Variants in SLC4A10 observed in about 807,000 individuals in gnomAD.
SLC4A10 encodes solute carrier family 4 member 10.
In SLC4A10, 42 loss-of-function variants were observed where a neutral mutation model predicts 137.7. The ratio of observed to expected loss-of-function variants is 0.30; its 90% CI spans 0.24 to 0.39. The LOEUF is 0.39. SLC4A10 is among the 10% of genes least tolerant of loss of function. The probability of loss-of-function intolerance (pLI) is 1.00; values close to 1 mark genes in which losing one functional copy is unlikely to be tolerated. For synonymous variants in SLC4A10, 474 were observed against 464.1 expected, an observed-to-expected ratio of 1.02 and a Z score of -0.27; for missense variants, 925 against 1,355.0, an observed-to-expected ratio of 0.68 and a Z score of 4.98.
intron 2 of SLC4A10, among the ~76,000 whole-genome samples, chr2:161,782,266 T>C (rs2053118140): frequency 6.6e-6 from 1 of 152,040 alleles, no homozygotes; most frequent in Non-Finnish European, 1.5e-5. Context: ...TCACAAGACC[T>C]GGCAAACCCT....
At chr2:161,946,048 C>T (rs966798982) in intron 16 of SLC4A10, among the ~76,000 whole-genome samples, 2 of 151,938 alleles carry the variant, frequency 1.3e-5, no homozygotes, top group South Asian at 2.1e-4. Context: ...ATGAAAAACA[C>T]AAGGATTCAT....
At chr2:161,926,398 T>TTG (rs1689117054) in intron 15 of SLC4A10, among the ~76,000 whole-genome samples, 2 of 116,502 alleles carry the variant, frequency 1.7e-5, no homozygotes, top group African/African-American at 5.7e-5. Flanking sequence ...TTTTTTTTTT[T>TTG]TTTTTTTTTT....
Position 161,806,560 on chromosome 2 carries a change from A to G in SLC4A10, c.277+1965A>G, listed in dbSNP as rs192403256. ...CCAGATACCCTAAATCATCTCTCTC[A>G]AGTTCAAAGTTTCACAGATCTCTAG... On this transcript the variant is annotated intron_variant, in intron 3 of 26. Coordinates refer to ENST00000446997, the MANE Select transcript of SLC4A10 (RefSeq NM_001178015.2). Among the ~76,000 whole-genome samples the G allele has an allele frequency of 2.0e-3, 312 of 152,254 alleles. 1 individual carries two copies. Among genetic ancestry groups the G allele is most frequent in the African/African-American group, 7.1e-3 (295 of 41,546 alleles).
intron 1 of SLC4A10, among the ~76,000 whole-genome samples, chr2:161,668,572 G>A (rs1352366479): frequency 1.3e-5 from 2 of 151,636 alleles, no homozygotes; most frequent in African/African-American, 4.8e-5. Flanking sequence ...AGATGATAGT[G>A]TTTTATCAAC....
intron 1 of SLC4A10, among the ~76,000 whole-genome samples, chr2:161,766,262 G>T (rs1248616781): frequency 6.6e-6 from 1 of 151,962 alleles, no homozygotes; most frequent in Non-Finnish European, 1.5e-5. Flanking sequence ...AGATTCTACT[G>T]CTTCTGCTGT....
intron 3 of SLC4A10, among the ~76,000 whole-genome samples, chr2:161,829,497 A>G (rs1449131488): frequency 2.6e-5 from 4 of 152,098 alleles, no homozygotes; most frequent in South Asian, 4.1e-4. Context: ...GAGTTAAAGG[A>G]CCCTCTTGGC....
intron 3 of SLC4A10, among the ~76,000 whole-genome samples, chr2:161,833,707 C>A (rs2058582691): frequency 6.6e-6 from 1 of 152,136 alleles, no homozygotes; most frequent in Non-Finnish European, 1.5e-5. Context: ...ATTTCTGAAC[C>A]ATTCACAGTC....
intron 1 of SLC4A10, among the ~76,000 whole-genome samples, chr2:161,674,416 A>G (rs558799543): frequency 3.9e-5 from 6 of 152,238 alleles, no homozygotes; most frequent in African/African-American, 9.6e-5. Flanking sequence ...CTAATGTATT[A>G]TAGCAGATGT....
intron 9 of SLC4A10, 23 bp from the exon 10 acceptor site, chr2:161,882,334 A>G (rs752197954): frequency 9.2e-6 from 13 of 1,417,076 alleles, no homozygotes; most frequent in Non-Finnish European, 1.2e-5. Flanking sequence ...ACCTTAAAAC[A>G]TTTTTTTTCT....
rs181909494 is a variant in SLC4A10, at chr2:161,776,053, T to A, written c.130+4999T>A. The stretch of plus-strand genomic sequence containing the variant: ...TTATGTAGATCAAATAGGAATAGCA[T>A]AAGATTTACTATCTTAAACGTTAGC... On this transcript the variant is annotated intron_variant, in intron 2 of 26. Transcript: ENST00000446997. Among the ~76,000 whole-genome samples, 87 of 151,988 alleles carry A rather than the reference T, an allele frequency of 5.7e-4. 1 individual carries two copies. Among genetic ancestry groups the A allele is most frequent in the Admixed American group, 1.5e-3 (23 of 15,224 alleles).
At chr2:161,710,508 A>G (rs1208407837) in intron 1 of SLC4A10, 4 of 227,096 alleles carry the variant, frequency 1.8e-5, no homozygotes, top group Non-Finnish European at 3.7e-5. Context: ...TTTCTGTCAC[A>G]AATCAGAGAA....
At chr2:161,876,714 G>T (rs1470349872) in intron 8 of SLC4A10, among the ~76,000 whole-genome samples, 1 of 151,976 alleles carries the variant, frequency 6.6e-6, no homozygotes, top group Non-Finnish European at 1.5e-5. Context: ...AAAGATAGTT[G>T]GTTTGTCAAA....
At chr2:161,906,005 T>G (rs1684261712) in intron 15 of SLC4A10, 118 bp downstream of exon 15, 13 of 1,304,364 alleles carry the variant, frequency 1.0e-5, no homozygotes, top group Non-Finnish European at 1.3e-5. Flanking sequence ...ATTCATGACC[T>G]AAATCCTGAC....
At chr2:161,628,796 A>G (rs1317776381) in intron 1 of SLC4A10, among the ~76,000 whole-genome samples, 1 of 151,996 alleles carries the variant, frequency 6.6e-6, no homozygotes, top group Non-Finnish European at 1.5e-5. Context: ...AAGGTTGGGA[A>G]TGAGTGGTAG....
At chr2:161,828,837 T>C (rs1376379458) in intron 3 of SLC4A10, among the ~76,000 whole-genome samples, 5 of 131,948 alleles carry the variant, frequency 3.8e-5, no homozygotes, top group Non-Finnish European at 6.4e-5. Context: ...ATCAAATCCC[T>C]CTCTAGAGCA....
intron 1 of SLC4A10, among the ~76,000 whole-genome samples, chr2:161,765,134 A>G (rs2050659931): frequency 1.3e-5 from 2 of 152,102 alleles, no homozygotes; most frequent in African/African-American, 4.8e-5. Context: ...TAGAGTAGAA[A>G]ATATTGGGGT....
intron 3 of SLC4A10, among the ~76,000 whole-genome samples, chr2:161,836,369 A>C: frequency 6.6e-6 from 1 of 152,078 alleles, no homozygotes; most frequent in Non-Finnish European, 1.5e-5. Flanking sequence ...GTGGTGGTGC[A>C]TGCCTGTAAT....
intron 1 of SLC4A10, among the ~76,000 whole-genome samples, chr2:161,647,372 A>G (rs6432695): frequency 0.88 from 133,113 of 152,080 alleles, 58,803 homozygotes; most frequent in East Asian, 1. Flanking sequence ...TTGAAATATT[A>G]ATTGATAATC....
intron 1 of SLC4A10, among the ~76,000 whole-genome samples, chr2:161,655,925 TC>T: frequency 6.6e-6 from 1 of 151,180 alleles, no homozygotes; most frequent in Non-Finnish European, 1.5e-5. Flanking sequence ...GCAATTCTCC[TC>T]CCCCAGCCTC....
Sources: gnomAD v4.1 joint callset for allele counts (sites outside exome capture counted in the v4.1 genomes callset) on GRCh38, gnomAD v4.1.1 for gene constraint, MANE v1.5 for transcripts, NCBI Gene and HGNC (gene_info 2026-07-23, HGNC 2026-07-21) for gene names.